KLK12: variants seen among roughly 807,000 people sequenced by gnomAD.
The protein encoded by KLK12 is kallikrein-12.
KLK12 carries 23 observed loss-of-function variants against 20.0 expected under a neutral mutation model. The ratio of observed to expected loss-of-function variants is 1.15; its 90% CI spans 0.83 to 1.63. KLK12 has a LOEUF of 1.63. Ranked by LOEUF, KLK12 falls within the 40% of genes most tolerant of loss-of-function variation. The pLI is 0.00. For missense variants in KLK12, 351 were observed against 338.6 expected (o/e 1.04, Z -0.29); for synonymous variants, 147 against 141.9 (o/e 1.04, Z -0.25).
Position 51,031,597 on chromosome 19 carries a change from T to TAC in KLK12, c.457+278_457+279insGT, listed in dbSNP as rs1228757867. On this transcript the variant is annotated intron_variant, in intron 4 of 5. Coordinates refer to ENST00000684732, the MANE Select transcript of KLK12 (RefSeq NM_001370125.1). The stretch of plus-strand genomic sequence containing the variant: ...ACAATGCCCATATCCTATACATACA[T>TAC]ATATATATATATATGCCTTTTGCTC... Among the ~76,000 whole-genome samples the TAC allele has an allele frequency of 4.8e-3, 691 of 144,448 alleles. 22 individuals carry two copies. Among genetic ancestry groups the TAC allele is most frequent in the African/African-American group, 0.016 (646 of 39,770 alleles). 94.8% of individuals were successfully genotyped at this position (144,448 alleles called of 152,430 possible).
rs761682794 is a variant in KLK12, at chr19:51,034,057, A to C, written c.120T>G (p.Phe40Leu). The C allele has an allele frequency of 6.9e-6, 11 of 1,590,056 alleles. No individual in the cohort carries two copies. Among genetic ancestry groups the C allele is most frequent in the Non-Finnish European group, 9.4e-6 (11 of 1,168,268 alleles). Residue 40 changes from phenylalanine to leucine, a missense_variant, in exon 3 of 6, where the codon TTT becomes TTG. Coordinates refer to ENST00000684732, the MANE Select transcript of KLK12 (RefSeq NM_001370125.1). The stretch of plus-strand genomic sequence containing the variant: ...CCCCGCAGCGCAGGCTGGTGCCCTC[A>C]AACAGCCCCACCTGCCACGGCTGTG... ...RNSQPWQVGL[F>L]EGTSLRCGGV...
intron 5 of KLK12, 46 bp from the exon 6 acceptor site, chr19:51,029,503 TTC>T (rs1241215026): frequency 1.3e-6 from 2 of 1,518,078 alleles, no homozygotes; most frequent in Non-Finnish European, 1.8e-6. Flanking sequence ...GACATCTTAT[TTC>T]TGTTTTCCTC....
intron 2 of KLK12, 190 bp from the exon 3 acceptor site, chr19:51,034,329 T>A: frequency 6.0e-6 from 7 of 1,158,574 alleles, no homozygotes; most frequent in Non-Finnish European, 8.4e-6. Flanking sequence ...GGGAGAAAGA[T>A]GCTTACACAT....
intron 3 of KLK12, 162 bp downstream of exon 3, chr19:51,033,818 C>T: frequency 2.6e-6 from 2 of 780,362 alleles, no homozygotes; most frequent in South Asian, 3.2e-5. Flanking sequence ...CCCAGCACCA[C>T]CCCAGGCCCA....
In KLK12 at chr19:51,033,911, C is replaced by T. The variant is rs937749881; in HGVS notation, c.197+69G>A. 2.7e-6 allele frequency: 4 copies of T among 1,472,770 alleles called. No individual in the cohort carries two copies. In the African/African-American group the frequency reaches 4.2e-5, roughly 15 times the overall value. The allele number at this position is 1,472,770 out of a possible 1,614,324, so 91.2% of individuals were successfully genotyped here. A position where few individuals can be genotyped will look rare whatever the true frequency, so the allele number is the denominator to read the frequency against. Reference sequence around the variant, plus strand: ...TTCTTCCCAGTGGGCACCACCCTCCCTTGTGATCCTACCCCCAGCGCTTGC... The same window carrying T: ...TTCTTCCCAGTGGGCACCACCCTCCTTTGTGATCCTACCCCCAGCGCTTGC... On this transcript the variant is annotated intron_variant, in intron 3 of 5. Coordinates refer to ENST00000684732, the MANE Select transcript of KLK12 (RefSeq NM_001370125.1).
chr19:51,034,332 T>A, intron 2 of KLK12, 193 bp from the exon 3 acceptor site: 1 of 1,181,360 alleles, frequency 8.5e-7, no homozygotes, highest in Admixed American at 2.5e-5. Flanking sequence ...AGAAAGATGC[T>A]TACACATAGG....
At chr19:51,033,667 C>T (rs2091582455) in intron 3 of KLK12, among the ~76,000 whole-genome samples, 2 of 151,950 alleles carry the variant, frequency 1.3e-5, no homozygotes, top group South Asian at 2.1e-4. Flanking sequence ...ACCTGGGCCC[C>T]GGGCCCAGAC....
Position 51,032,141 on chromosome 19 carries a change from G to C in KLK12, c.198-6C>G. The C allele has an allele frequency of 6.3e-7, 1 of 1,594,714 alleles. No homozygotes were observed. The highest frequency in any genetic ancestry group is 8.5e-7 in the Non-Finnish European group (1 of 1,175,576). On this transcript the variant is annotated splice_polypyrimidine_tract_variant and splice_region_variant and intron_variant, in intron 3 of 5. Transcript: ENST00000684732. ...CCAGGCGCACCCAGTACCTGCTGCC[G>C]GTGGCGACGGCTGAGCGGGTGGCAG...
intron 2 of KLK12, 170 bp downstream of exon 2, chr19:51,034,415 T>C (rs1434022163): frequency 3.5e-5 from 51 of 1,457,364 alleles, no homozygotes; most frequent in Non-Finnish European, 4.6e-5. Flanking sequence ...GAGACCGAGG[T>C]GAGCAGTACC....
intron 2 of KLK12, 97 bp from the exon 3 acceptor site, chr19:51,034,236 G>T: frequency 7.3e-7 from 1 of 1,371,306 alleles, no homozygotes; most frequent in South Asian, 1.2e-5. Flanking sequence ...AGGAGAGAGA[G>T]AGGAGAAAGA....
chr19:51,031,116 T>C (rs1390246397), intron 4 of KLK12, among the ~76,000 whole-genome samples, 195 bp from the exon 5 acceptor site: 1 of 152,204 alleles, frequency 6.6e-6, no homozygotes, highest in Admixed American at 6.5e-5. Context: ...ATTGACGGTC[T>C]CTTTGATCTT....
intron 4 of KLK12, among the ~76,000 whole-genome samples, chr19:51,031,512 C>A (rs1004928617): frequency 2.6e-5 from 4 of 151,124 alleles, no homozygotes; most frequent in African/African-American, 9.7e-5. Context: ...CCAGATTGTA[C>A]AACCTCTGGA....
chr19:51,031,348 T>C (rs2091555151), intron 4 of KLK12, among the ~76,000 whole-genome samples: 1 of 151,850 alleles, frequency 6.6e-6, no homozygotes, highest in South Asian at 2.1e-4. Context: ...CTTCCAAACC[T>C]CACTGCTTCC....
chr19:51,032,269 A>C (rs1599770633), intron 3 of KLK12, 134 bp from the exon 4 acceptor site: 14 of 1,008,740 alleles, frequency 1.4e-5, no homozygotes, highest in Admixed American at 2.0e-5. Flanking sequence ...CGCAACTCTC[A>C]TTCTCCGAGT....
At chr19:51,031,574 A>G (rs940996761) in intron 4 of KLK12, among the ~76,000 whole-genome samples, 4 of 150,234 alleles carry the variant, frequency 2.7e-5, no homozygotes, top group Admixed American at 1.3e-4. Flanking sequence ...CATGACCCAC[A>G]ATGCCCATAT....
At chr19:51,034,463 C>A in intron 2 of KLK12, 122 bp downstream of exon 2, 2 of 1,518,482 alleles carry the variant, frequency 1.3e-6, no homozygotes, top group South Asian at 1.3e-5. Flanking sequence ...AGAGAAAGCC[C>A]CTCTCCTCCT....
chr19:51,034,835 G>A lies in KLK12; in HGVS notation c.-49C>T, dbSNP rs1011847234. 9 of 1,443,494 alleles carry A rather than the reference G, an allele frequency of 6.2e-6. No homozygotes were observed. Among genetic ancestry groups the A allele is most frequent in the Middle Eastern group, 2.5e-4 (1 of 3,928 alleles). The allele number at this position is 1,443,494 out of a possible 1,614,324, so 89.4% of individuals were successfully genotyped here. A position where few individuals can be genotyped will look rare whatever the true frequency, so the allele number is the denominator to read the frequency against. ...TCTCTTTGTCTGCCAGATCCTCTAC[G>A]TGGCTGTCACTGTTTGGCCTGTCCT... On this transcript the variant is annotated 5_prime_UTR_variant, in exon 1 of 6. It adds an upstream start codon to the 5' untranslated region. Coordinates refer to ENST00000684732, the MANE Select transcript of KLK12 (RefSeq NM_001370125.1).
intron 4 of KLK12, 165 bp downstream of exon 4, chr19:51,031,711 C>T: frequency 2.4e-6 from 2 of 848,330 alleles, no homozygotes; most frequent in Admixed American, 3.6e-5. Context: ...CTCCCAAGAC[C>T]CCAATCCACC....
At chr19:51,033,752 C>T in intron 3 of KLK12, 1 of 598,892 alleles carries the variant, frequency 1.7e-6, no homozygotes, top group Non-Finnish European at 3.0e-6. Flanking sequence ...ATGGGAGAGG[C>T]AGGAGGGCAG....
Sources: gnomAD v4.1 joint callset for allele counts (sites outside exome capture counted in the v4.1 genomes callset) on GRCh38, gnomAD v4.1.1 for gene constraint, MANE v1.5 for transcripts, NCBI Gene and HGNC (gene_info 2026-07-23, HGNC 2026-07-21) for gene names.